Variants in ENPP2 observed in about 807,000 individuals in gnomAD.
The protein encoded by ENPP2 is ectonucleotide pyrophosphatase/phosphodiesterase 2.
In ENPP2, 51 loss-of-function variants were observed where a neutral mutation model predicts 120.2. The ratio of observed to expected loss-of-function variants is 0.42; its 90% confidence interval spans 0.34 to 0.54. The LOEUF is 0.54. Ranked by LOEUF, ENPP2 falls within the 20% of genes least tolerant of loss-of-function variation. The pLI is 0.04. For synonymous variants in ENPP2, 365 were observed against 366.4 expected (o/e 1.00, Z 0.04); for missense variants, 920 against 1,066.5 (o/e 0.86, Z 1.91).
chr8:119,621,789 G>A (rs1327974312), intron 3 of ENPP2, among the ~76,000 whole-genome samples: 7 of 152,158 alleles, frequency 4.6e-5, no homozygotes, highest in African/African-American at 9.7e-5. Context: ...GTATCCCTAC[G>A]ATTCTCGAAT....
chr8:119,586,350 G>A, intron 14 of ENPP2, 37 bp from the exon 15 acceptor site: 1 of 1,604,950 alleles, frequency 6.2e-7, no homozygotes, highest in South Asian at 1.1e-5. Context: ...CAGATGGAAT[G>A]TCTTTTGGAA....
At position 119,602,372 on chromosome 8, in the gene ENPP2, G is replaced by A. The variant is rs143455077; in HGVS notation, c.834-910C>T. On this transcript the variant is annotated intron_variant, in intron 9 of 24. Transcript: ENST00000075322. ...CTTGGGAGGCTGAGGCAAGAGAATC[G>A]CTTGAATCCAGGAGGCAGAGGTTGC... 8.7e-3 allele frequency among the ~76,000 whole-genome samples: 1,316 copies of A among 150,956 alleles called. 24 individuals are homozygous for A. Among genetic ancestry groups the A allele is most frequent in the African/African-American group, 0.031 (1,255 of 40,998 alleles).
chr8:119,616,850 CT>C (rs1355826866), intron 7 of ENPP2, among the ~76,000 whole-genome samples: 1 of 152,008 alleles, frequency 6.6e-6, no homozygotes, highest in Admixed American at 6.5e-5. Context: ...AAATATAGCC[CT>C]GAAGTCAACA....
intron 1 of ENPP2, among the ~76,000 whole-genome samples, chr8:119,662,830 G>A (rs929688689): frequency 2.0e-5 from 3 of 152,186 alleles, no homozygotes; most frequent in African/African-American, 4.8e-5. Context: ...GGGTAGTATA[G>A]GCCAGGCGCA....
intron 24 of ENPP2, among the ~76,000 whole-genome samples, chr8:119,562,580 T>A (rs1044828273): frequency 1.3e-5 from 2 of 152,234 alleles, no homozygotes; most frequent in Non-Finnish European, 2.9e-5. Context: ...CATTCTCCAC[T>A]TTCTTTTGCA....
At chr8:119,671,024 C>A (rs988332687) in intron 1 of ENPP2, among the ~76,000 whole-genome samples, 2 of 151,556 alleles carry the variant, frequency 1.3e-5, no homozygotes, top group East Asian at 1.9e-4. Context: ...CAGTGGCTCA[C>A]GCCTGTAATC....
chr8:119,594,814 T>C (rs1813775039), intron 11 of ENPP2, among the ~76,000 whole-genome samples: 1 of 143,378 alleles, frequency 7.0e-6, no homozygotes, highest in Non-Finnish European at 1.5e-5. Flanking sequence ...ATGATTAAGA[T>C]AAGAACAGAA....
chr8:119,636,657 A>G (rs186134459), intron 2 of ENPP2, among the ~76,000 whole-genome samples: 25 of 152,340 alleles, frequency 1.6e-4, no homozygotes, highest in Admixed American at 1.6e-3. Context: ...CTATTCTTAT[A>G]ACATGGAAAT....
chr8:119,641,176 A>T (rs1388277087), upstream of ENPP2, among the ~76,000 whole-genome samples: 2 of 152,216 alleles, frequency 1.3e-5, no homozygotes, highest in African/African-American at 4.8e-5. Context: ...TACACACATC[A>T]TTTTGCCACA....
chr8:119,672,112 T>C (rs1251414985), intron 1 of ENPP2, among the ~76,000 whole-genome samples: 1 of 151,932 alleles, frequency 6.6e-6, no homozygotes, highest in East Asian at 1.9e-4. Flanking sequence ...GGTGACTGGG[T>C]GTGAAGGAGC....
intron 1 of ENPP2, among the ~76,000 whole-genome samples, chr8:119,651,003 T>C (rs1018945606): frequency 6.0e-5 from 9 of 150,504 alleles, no homozygotes; most frequent in Admixed American, 1.3e-4. Context: ...GAACTAGAGT[T>C]AATGTCAGAT....
intron 11 of ENPP2, chr8:119,595,976 A>T (rs1353330436): frequency 6.2e-7 from 1 of 1,613,970 alleles, no homozygotes; most frequent in Non-Finnish European, 8.5e-7. Context: ...TCTTAGCCGG[A>T]GTAAAAGGTG....
intron 3 of ENPP2, among the ~76,000 whole-genome samples, chr8:119,623,065 C>T (rs1816017265): frequency 6.6e-6 from 1 of 152,140 alleles, no homozygotes; most frequent in Non-Finnish European, 1.5e-5. Flanking sequence ...AGGTCTTTAT[C>T]TCTTAAAATA....
At chr8:119,622,842 C>T (rs1816001580) in intron 3 of ENPP2, among the ~76,000 whole-genome samples, 1 of 152,176 alleles carries the variant, frequency 6.6e-6, no homozygotes, top group African/African-American at 2.4e-5. Context: ...ACAGGAGAGA[C>T]TAGGTCTGTC....
chr8:119,652,697 C>T (rs1817660731), intron 1 of ENPP2, among the ~76,000 whole-genome samples: 1 of 152,130 alleles, frequency 6.6e-6, no homozygotes, highest in Admixed American at 6.6e-5. Context: ...CAGATGGTAG[C>T]CTCCTGATTC....
intron 1 of ENPP2, among the ~76,000 whole-genome samples, chr8:119,659,476 A>G (rs1200708570): frequency 2.0e-5 from 3 of 152,152 alleles, no homozygotes; most frequent in Non-Finnish European, 4.4e-5. Flanking sequence ...TGTTATCCAC[A>G]CACATTCATG....
chr8:119,625,170 C>CA lies in ENPP2; in HGVS notation c.292+1394dup, dbSNP rs1388109727. Among the ~76,000 whole-genome samples, 4 of 152,140 alleles carry CA rather than the reference C, an allele frequency of 2.6e-5. No homozygotes were observed. In the East Asian group the frequency reaches 7.7e-4, roughly 29 times the overall value. On this transcript the variant is annotated intron_variant, in intron 3 of 24. Coordinates refer to ENST00000075322, the MANE Select transcript of ENPP2 (RefSeq NM_001040092.3). ...AAAACATTAGTAAATTCCTCAGTGC[C>CA]AAGCAAACACAGATTGCTGGCTTGA... is the stretch of plus-strand genomic sequence containing the variant.
chr8:119,597,415 T>C (rs985988884), intron 11 of ENPP2, among the ~76,000 whole-genome samples: 6 of 151,728 alleles, frequency 4.0e-5, no homozygotes, highest in African/African-American at 1.5e-4. Context: ...AGCAGAAGAG[T>C]AGGGTTTAGT....
rs1339633292 is a variant in ENPP2, at chr8:119,580,043, T to C, written c.1780+73A>G. 1.2e-5 allele frequency: 12 copies of C among 984,244 alleles called. No homozygotes were observed. In the East Asian group the frequency reaches 2.6e-4, roughly 21 times the overall value. The allele number at this position is 984,244 out of a possible 1,614,324, so 61.0% of individuals were successfully genotyped here. On this transcript the variant is annotated intron_variant, in intron 19 of 24. Transcript: ENST00000075322. Reference sequence around the variant, plus strand: ...AAACAATATTGTGCTTACACTATAATGTAAATAAGAAGCCTTTTCGATTTT... The same window carrying C: ...AAACAATATTGTGCTTACACTATAACGTAAATAAGAAGCCTTTTCGATTTT...
Sources: gnomAD v4.1 joint callset for allele counts (sites outside exome capture counted in the v4.1 genomes callset) on GRCh38, gnomAD v4.1.1 for gene constraint, MANE v1.5 for transcripts, NCBI Gene and HGNC (gene_info 2026-07-23, HGNC 2026-07-21) for gene names.